LRRC7: variants seen among roughly 807,000 people sequenced by gnomAD.
LRRC7 encodes leucine-rich repeat-containing protein 7.
In LRRC7, 23 loss-of-function variants were observed where a neutral mutation model predicts 175.7. That is an observed-to-expected ratio of 0.13 (90% confidence interval 0.09 to 0.19). The LOEUF is 0.19. LRRC7 is among the 10% of genes least tolerant of loss of function. The pLI, the probability that LRRC7 is intolerant of heterozygous loss-of-function variation, is 1.00. For missense variants in LRRC7, 1,354 were observed against 1,904.7 expected (o/e 0.71, Z 5.38); for synonymous variants, 685 against 680.9 (o/e 1.01, Z -0.09).
In LRRC7 at chr1:70,017,812, T is replaced by C. The variant is rs1657096134; in HGVS notation, c.1321-907T>C. ...AATAAACTATAGATTTTTCAAGGCA[T>C]CAATATATCATCATAAATAATTTCT... On this transcript the variant is annotated intron_variant, in intron 14 of 26. Coordinates refer to ENST00000651989, the MANE Select transcript of LRRC7 (RefSeq NM_001370785.2). Among the ~76,000 whole-genome samples the C allele has an allele frequency of 2.6e-5, 4 of 152,130 alleles. No individual in the cohort carries two copies. The South Asian group carries it at 8.3e-4, about 32-fold the overall frequency.
intron 23 of LRRC7, among the ~76,000 whole-genome samples, chr1:70,063,474 T>G (rs894364072): frequency 6.6e-6 from 1 of 152,102 alleles, no homozygotes; most frequent in African/African-American, 2.4e-5. Context: ...TGTTCTCATT[T>G]GCTTATGGAC....
At chr1:69,696,076 T>G (rs1662542600) in intron 2 of LRRC7, among the ~76,000 whole-genome samples, 1 of 152,196 alleles carries the variant, frequency 6.6e-6, no homozygotes, top group African/African-American at 2.4e-5. Context: ...TTAGAGCAAC[T>G]GGCAGCTTGT....
At chr1:70,099,580 T>C (rs1263326949) in intron 25 of LRRC7, among the ~76,000 whole-genome samples, 3 of 152,184 alleles carry the variant, frequency 2.0e-5, no homozygotes, top group African/African-American at 7.2e-5. Context: ...TTTTCACTTT[T>C]CAATTTGTGA....
intron 2 of LRRC7, among the ~76,000 whole-genome samples, chr1:69,708,450 G>A (rs1049986650): frequency 6.6e-6 from 1 of 152,008 alleles, no homozygotes; most frequent in African/African-American, 2.4e-5. Context: ...CTTTTTGAAC[G>A]TTGTTTCTTC....
chr1:69,837,193 A>G (rs1400799020), intron 6 of LRRC7, among the ~76,000 whole-genome samples: 1 of 151,846 alleles, frequency 6.6e-6, no homozygotes, highest in African/African-American at 2.4e-5. Flanking sequence ...GATTTCCCCA[A>G]CCCCAGCATT....
At chr1:70,086,103 C>T (rs1439798214) in intron 24 of LRRC7, among the ~76,000 whole-genome samples, 1 of 151,710 alleles carries the variant, frequency 6.6e-6, no homozygotes, top group Non-Finnish European at 1.5e-5. Context: ...GAATTTTAGC[C>T]TTTATTCTTA....
At chr1:69,727,425 A>G (rs1667095916) in intron 2 of LRRC7, among the ~76,000 whole-genome samples, 1 of 152,166 alleles carries the variant, frequency 6.6e-6, no homozygotes, top group South Asian at 2.1e-4. Context: ...TGACTCCTTT[A>G]CTGACAGATT....
intron 4 of LRRC7, among the ~76,000 whole-genome samples, chr1:69,818,147 T>C (rs1339712065): frequency 2.0e-5 from 3 of 152,138 alleles, no homozygotes; most frequent in Non-Finnish European, 2.9e-5. Flanking sequence ...TTCAGTACTA[T>C]GTTAAATAGA....
rs1172403797 is a variant in LRRC7 at position 70,082,781 on chromosome 1, A to ATTTTTTTTTTTTTTTT, written c.4452+6499_4452+6514dup. Among the ~76,000 whole-genome samples the ATTTTTTTTTTTTTTTT allele has an allele frequency of 8.6e-4, 45 of 52,286 alleles. 15 individuals are homozygous for ATTTTTTTTTTTTTTTT. The highest frequency in any genetic ancestry group is 2.8e-3 in the East Asian group (4 of 1,406). The allele number at this position is 52,286 out of a possible 152,430, so 34.3% of individuals were successfully genotyped here. ...TATTAGTCAATCTTGATACCAGTAC[A>ATTTTTTTTTTTTTTTT]TTTTTTTTTTTTTTTTTTTTTTTTT... On this transcript the variant is annotated intron_variant, in intron 24 of 26. Transcript: ENST00000651989.
At chr1:70,068,329 C>T (rs2102105814) in intron 23 of LRRC7, among the ~76,000 whole-genome samples, 1 of 152,256 alleles carries the variant, frequency 6.6e-6, no homozygotes. Flanking sequence ...TGAATTTTGT[C>T]AAATACTTCT....
chr1:69,655,559 C>T (rs1656488710), intron 1 of LRRC7, among the ~76,000 whole-genome samples: 1 of 152,062 alleles, frequency 6.6e-6, no homozygotes, highest in Admixed American at 6.6e-5. Context: ...CTTTGGCTTA[C>T]ATCATTTTAG....
At chr1:70,103,625 A>C (rs1664950928) in intron 25 of LRRC7, among the ~76,000 whole-genome samples, 1 of 152,218 alleles carries the variant, frequency 6.6e-6, no homozygotes, top group Admixed American at 6.5e-5. Context: ...TTGGACTTCT[A>C]ACCTACAGAA....
chr1:69,756,323 G>GA (rs1212782109), intron 2 of LRRC7, among the ~76,000 whole-genome samples: 1 of 151,560 alleles, frequency 6.6e-6, no homozygotes, highest in African/African-American at 2.4e-5. Flanking sequence ...GGAAATCACA[G>GA]AAAAATGATT....
chr1:69,568,774 C>G (rs1257183072), intron 1 of LRRC7, 133 bp downstream of exon 1: 1 of 553,560 alleles, frequency 1.8e-6, no homozygotes, highest in African/African-American at 2.1e-5. Context: ...CTTCGGCGCT[C>G]GCGGGGAGCT....
At chr1:69,953,277 T>C (rs1484666054) in intron 8 of LRRC7, among the ~76,000 whole-genome samples, 1 of 152,096 alleles carries the variant, frequency 6.6e-6, no homozygotes, top group Non-Finnish European at 1.5e-5. Context: ...GCTTTTCTTA[T>C]CAGCAACTCT....
chr1:70,057,031 G>A (rs1319180399), intron 23 of LRRC7, among the ~76,000 whole-genome samples: 1 of 152,118 alleles, frequency 6.6e-6, no homozygotes, highest in Non-Finnish European at 1.5e-5. Flanking sequence ...TCTGCATTAA[G>A]GGGTAAGTAA....
At chr1:69,618,141 C>T (rs1649981661) in intron 1 of LRRC7, among the ~76,000 whole-genome samples, 1 of 152,096 alleles carries the variant, frequency 6.6e-6, no homozygotes, top group African/African-American at 2.4e-5. Flanking sequence ...TTTTTTTCCC[C>T]CGCAGGAACT....
chr1:69,612,206 C>A (rs1026123619), intron 1 of LRRC7, among the ~76,000 whole-genome samples: 3 of 151,964 alleles, frequency 2.0e-5, no homozygotes, highest in Non-Finnish European at 4.4e-5. Flanking sequence ...CCAGTGTTTT[C>A]TGCAATAAAA....
intron 1 of LRRC7, among the ~76,000 whole-genome samples, chr1:69,593,895 A>G (rs1486396767): frequency 6.6e-6 from 1 of 152,154 alleles, no homozygotes; most frequent in Non-Finnish European, 1.5e-5. Context: ...AATACACACA[A>G]TTGACCTTAA....
Sources: gnomAD v4.1 joint callset for allele counts (sites outside exome capture counted in the v4.1 genomes callset) on GRCh38, gnomAD v4.1.1 for gene constraint, MANE v1.5 for transcripts, NCBI Gene and HGNC (gene_info 2026-07-23, HGNC 2026-07-21) for gene names.